Variants in FCHO2 observed in about 807,000 individuals in gnomAD.
FCHO2 encodes the protein FCH and mu domain containing endocytic adaptor 2, also known as F-BAR domain only protein 2.
A neutral mutation model predicts 114.1 loss-of-function variants in FCHO2; 43 were observed. The ratio of observed to expected loss-of-function variants is 0.38; its 90% CI spans 0.30 to 0.49. The LOEUF is 0.49. Among genes scored for constraint, FCHO2 ranks in the 20% least tolerant of loss-of-function variants. FCHO2 has a pLI of 0.97. For synonymous variants in FCHO2, 293 were observed against 315.2 expected (o/e 0.93, Z 0.75); for missense variants, 807 against 950.4 (o/e 0.85, Z 1.98).
intron 5 of FCHO2, chr5:72,997,312 G>A: frequency 6.4e-7 from 1 of 1,559,484 alleles, no homozygotes; most frequent in Non-Finnish European, 8.8e-7. Flanking sequence ...TAGCAAGCAT[G>A]GAGATCTATG....
chr5:73,073,070 T>A (rs1337142498), intron 19 of FCHO2, among the ~76,000 whole-genome samples: 5 of 152,090 alleles, frequency 3.3e-5, no homozygotes, highest in African/African-American at 1.2e-4. Context: ...TGTACAAACA[T>A]ATATTTTTAT....
Position 73,086,820 on chromosome 5 carries a change from G to C in FCHO2, c.2246-769G>C, listed in dbSNP as rs142330491. 6.8e-3 allele frequency among the ~76,000 whole-genome samples: 1,032 copies of C among 152,176 alleles called. 7 individuals carry two copies. Among genetic ancestry groups the C allele is most frequent in the Non-Finnish European group, 0.011 (760 of 68,002 alleles). ...TCTCATCTGCCACTCCCCTCTACCT[G>C]TATCCTGTTCTCCTGCTAATCTGAT... is the stretch of plus-strand genomic sequence containing the variant. On this transcript the variant is annotated intron_variant, in intron 24 of 25. Coordinates refer to ENST00000430046, the MANE Select transcript of FCHO2 (RefSeq NM_138782.3).
chr5:73,078,253 A>G lies in FCHO2; in HGVS notation c.1921A>G (p.Lys641Glu). ...NMQAVTVYLK[K>E]LSEQNPAASY... ...GCAAGCTGTTACAGTCTACCTCAAGAAGCTGTCAGAGCAAAATCCAGCTGC... is the reference window on the plus strand; with the variant it reads ...GCAAGCTGTTACAGTCTACCTCAAGGAGCTGTCAGAGCAAAATCCAGCTGC... Residue 641 changes from lysine to glutamate, a missense_variant, in exon 22 of 26, where the codon AAG becomes GAG. Coordinates refer to ENST00000430046, the MANE Select transcript of FCHO2 (RefSeq NM_138782.3). 1 of 1,594,884 alleles carries G rather than the reference A, an allele frequency of 6.3e-7. No individual in the cohort carries two copies. Among genetic ancestry groups the G allele is most frequent in the Non-Finnish European group, 8.5e-7 (1 of 1,170,200 alleles).
intron 8 of FCHO2, among the ~76,000 whole-genome samples, chr5:73,024,974 T>G (rs1755837957): frequency 6.6e-6 from 1 of 152,112 alleles, no homozygotes; most frequent in Non-Finnish European, 1.5e-5. Flanking sequence ...TACAGCTAGA[T>G]GGTAGGAGGT....
intron 5 of FCHO2, chr5:72,997,748 G>A: frequency 7.1e-7 from 1 of 1,405,850 alleles, no homozygotes; most frequent in Non-Finnish European, 9.4e-7. Context: ...CCTGGGCAGG[G>A]TCTGCCCCTC....
intron 21 of FCHO2, 28 bp from the exon 22 acceptor site, chr5:73,078,152 A>T: frequency 1.4e-6 from 2 of 1,442,452 alleles, no homozygotes; most frequent in Non-Finnish European, 1.8e-6. Context: ...AGTCAATAAA[A>T]TAACAAATAT....
At chr5:73,083,905 A>AG (rs1743208606) in intron 24 of FCHO2, among the ~76,000 whole-genome samples, 1 of 151,446 alleles carries the variant, frequency 6.6e-6, no homozygotes, top group African/African-American at 2.4e-5. Flanking sequence ...AAAAAAAAAA[A>AG]AAAAAAAGCC....
chr5:73,056,081 A>G lies in FCHO2; in HGVS notation c.1227A>G (p.Lys409=), dbSNP rs1478412807. 15 of 1,526,658 alleles carry G rather than the reference A, an allele frequency of 9.8e-6. No homozygotes were observed. The highest frequency in any genetic ancestry group is 1.1e-5 in the Non-Finnish European group (13 of 1,138,168). The allele number at this position is 1,526,658 out of a possible 1,614,324, so 94.6% of individuals were successfully genotyped here. A position where few individuals can be genotyped will look rare whatever the true frequency, so the allele number is the denominator to read the frequency against. ...NRNLSNEELT[K]SKPSAPPNEK... is the part of the protein sequence containing the mutation. ...TTTAATTAGATGAGGAGTTAACAAA[A>G]TCAAAGCCATCTGCTCCACCCAATG... The change falls in exon 16 of 26, where the codon AAA becomes AAG. Residue 409 remains lysine (K), a synonymous_variant. Coordinates refer to ENST00000430046, the MANE Select transcript of FCHO2 (RefSeq NM_138782.3).
chr5:72,973,681 G>GT (rs1410190315), intron 2 of FCHO2, among the ~76,000 whole-genome samples: 114 of 149,536 alleles, frequency 7.6e-4, no homozygotes, highest in African/African-American at 2.7e-3. Context: ...TTTTTGAAGG[G>GT]TTTTTTGTGT....
At chr5:73,010,436 C>T (rs1754942395) in intron 6 of FCHO2, among the ~76,000 whole-genome samples, 1 of 151,986 alleles carries the variant, frequency 6.6e-6, no homozygotes, top group Non-Finnish European at 1.5e-5. Flanking sequence ...TAAGCAGTAC[C>T]CTCAGATTAA....
rs1229005652 is a variant in FCHO2, at chr5:73,006,613, TTC to T, written c.600+69_600+70del. On this transcript the variant is annotated intron_variant, in intron 6 of 25. Transcript: ENST00000430046. ...TATATTTGTGTATATTGATTAATTT[TTC>T]TCTCATATAATTTTTTAGTGTTGGA... The T allele has an allele frequency of 6.3e-6, 7 of 1,119,302 alleles. No individual in the cohort carries two copies. In the African/African-American group the frequency reaches 6.5e-5, roughly 10 times the overall value. 69.3% of individuals were successfully genotyped at this position (1,119,302 alleles called of 1,614,324 possible). A position where few individuals can be genotyped will look rare whatever the true frequency, so the allele number is the denominator to read the frequency against.
intron 2 of FCHO2, among the ~76,000 whole-genome samples, chr5:72,973,207 C>T (rs1204214279): frequency 6.6e-6 from 1 of 152,122 alleles, no homozygotes; most frequent in Non-Finnish European, 1.5e-5. Context: ...CAGGATGATG[C>T]TGGCCTCATA....
At chr5:73,047,355 T>A (rs1757106575) in intron 11 of FCHO2, among the ~76,000 whole-genome samples, 1 of 152,134 alleles carries the variant, frequency 6.6e-6, no homozygotes, top group South Asian at 2.1e-4. Context: ...TTGCCCTTCC[T>A]TGTAGGTAAC....
At chr5:73,070,602 C>G (rs1339805746) in intron 19 of FCHO2, among the ~76,000 whole-genome samples, 3 of 138,304 alleles carry the variant, frequency 2.2e-5, no homozygotes, top group Non-Finnish European at 4.7e-5. Context: ...TTAGATTATT[C>G]AGGAGGTTTT....
At chr5:73,000,487 A>G (rs1304534198) in intron 5 of FCHO2, among the ~76,000 whole-genome samples, 1 of 150,344 alleles carries the variant, frequency 6.7e-6, no homozygotes, top group African/African-American at 2.4e-5. Context: ...AAAAAAAAAA[A>G]AAAAAAAGCT....
chr5:73,030,362 C>T (rs78043699), intron 8 of FCHO2, among the ~76,000 whole-genome samples: 1,973 of 152,208 alleles, frequency 0.013, 19 homozygotes, highest in Non-Finnish European at 0.02. Flanking sequence ...TTTCATTGGT[C>T]CAGGGTGGAT....
chr5:73,068,618 A>G, intron 18 of FCHO2, 32 bp from the exon 19 acceptor site: 1 of 1,604,522 alleles, frequency 6.2e-7, no homozygotes, highest in Non-Finnish European at 8.5e-7. Flanking sequence ...GTATTGTTTT[A>G]GCATTTTGAT....
chr5:73,020,584 T>G, intron 8 of FCHO2: 1 of 670,120 alleles, frequency 1.5e-6, no homozygotes, highest in Non-Finnish European at 2.7e-6. Context: ...GCAACAGCAG[T>G]AGTACTTTGG....
In FCHO2 at chr5:73,065,650, G is replaced by A. The variant is rs547434452; in HGVS notation, c.1449+1706G>A. Among the ~76,000 whole-genome samples, 5 of 151,822 alleles carry A rather than the reference G, an allele frequency of 3.3e-5. No homozygotes were observed. In the South Asian group the frequency reaches 8.3e-4, roughly 25 times the overall value. ...TGCTCAAAAATTATTAATTGTATAGGCATATTTTTAAATAAAAAGTCATAC... is the reference window on the plus strand; with the variant it reads ...TGCTCAAAAATTATTAATTGTATAGACATATTTTTAAATAAAAAGTCATAC... On this transcript the variant is annotated intron_variant, in intron 18 of 25. Transcript: ENST00000430046.
Sources: allele counts gnomAD v4.1 joint callset (sites outside exome capture counted in the v4.1 genomes callset), GRCh38; gene constraint gnomAD v4.1.1; transcripts MANE v1.5; gene names NCBI Gene and HGNC (gene_info 2026-07-23, HGNC 2026-07-21).